The following ST18 variants were observed in gnomAD, a reference collection of about 807,000 sequenced individuals.
ST18 encodes the protein ST18 C2H2C-type zinc finger transcription factor.
Under a neutral mutation model 110.0 loss-of-function variants are expected in ST18, and 50 were observed. The ratio of observed to expected loss-of-function variants is 0.45; its 90% confidence interval spans 0.36 to 0.58. The LOEUF (loss-of-function observed/expected upper bound fraction) is 0.58. Ranked by LOEUF, ST18 falls within the 20% of genes least tolerant of loss-of-function variation. The pLI, the probability that ST18 is intolerant of heterozygous loss-of-function variation, is 0.00. For synonymous variants in ST18, 461 were observed against 452.4 expected (o/e 1.02, Z -0.24); for missense variants, 1,306 against 1,280.1 (o/e 1.02, Z -0.31).
At chr8:52,208,279 T>C (rs1018890057) in intron 8 of ST18, among the ~76,000 whole-genome samples, 4 of 152,222 alleles carry the variant, frequency 2.6e-5, no homozygotes, top group African/African-American at 7.2e-5. Flanking sequence ...GTTGCCAGTG[T>C]TCTCTACAAA....
chr8:52,118,896 C>T (rs1406491567), intron 23 of ST18, among the ~76,000 whole-genome samples: 1 of 152,164 alleles, frequency 6.6e-6, no homozygotes, highest in Non-Finnish European at 1.5e-5. Context: ...CTTGCATTCT[C>T]TTATTCAAAA....
At chr8:52,407,880 C>G (rs1445568443) in intron 2 of ST18, 1 of 152,120 alleles carries the variant, frequency 6.6e-6, no homozygotes. Context: ...CATTTCCACC[C>G]CAATTCATCA....
chr8:52,167,470 G>A (rs1014542058), intron 10 of ST18, among the ~76,000 whole-genome samples: 13 of 152,256 alleles, frequency 8.5e-5, no homozygotes, highest in African/African-American at 2.9e-4. Flanking sequence ...GCTTGGTAGT[G>A]AAGAGCAGAG....
At chr8:52,178,678 C>G (rs28417267) in intron 9 of ST18, among the ~76,000 whole-genome samples, 4 of 105,128 alleles carry the variant, frequency 3.8e-5, no homozygotes, top group Non-Finnish European at 5.9e-5. Context: ...ACAAAAAAAA[C>G]CCACCAAAAC....
At chr8:52,150,138 G>C (rs562885710) in intron 15 of ST18, among the ~76,000 whole-genome samples, 161 bp from the exon 16 acceptor site, 1 of 152,168 alleles carries the variant, frequency 6.6e-6, no homozygotes, top group Admixed American at 6.5e-5. Context: ...TCAATTCTTA[G>C]GCAGACTTTA....
In ST18 at chr8:52,260,819, C is replaced by A. The variant is rs368127001; in HGVS notation, c.-464-30742G>T. On this transcript the variant is annotated intron_variant, in intron 2 of 25. Transcript: ENST00000689386. ...TTATAATGATTCCGCTTAGAAAAAA[C>A]CCCACATTTCCTGGACAGATAATTT... Among the ~76,000 whole-genome samples the A allele has an allele frequency of 1.6e-4, 25 of 152,302 alleles. No individual in the cohort carries two copies. In the Middle Eastern group the frequency reaches 0.01, roughly 62 times the overall value.
intron 2 of ST18, among the ~76,000 whole-genome samples, chr8:52,348,613 G>A (rs1028443661): frequency 1.3e-5 from 2 of 152,090 alleles, no homozygotes; most frequent in Non-Finnish European, 2.9e-5. Flanking sequence ...GCATGGTGGT[G>A]TGCGCCTGTA....
chr8:52,214,148 C>G (rs1274762971), intron 7 of ST18, 55 bp downstream of exon 7: 4 of 1,566,502 alleles, frequency 2.6e-6, no homozygotes, highest in Non-Finnish European at 3.5e-6. Flanking sequence ...CACTGGAACG[C>G]TCATATTTCA....
intron 2 of ST18, among the ~76,000 whole-genome samples, chr8:52,298,299 C>T (rs958961228): frequency 3.9e-5 from 6 of 152,168 alleles, no homozygotes; most frequent in African/African-American, 7.2e-5. Context: ...GGGCATCTAG[C>T]TGGTTTCAGC....
intron 2 of ST18, among the ~76,000 whole-genome samples, chr8:52,291,925 G>A (rs1406428340): frequency 6.6e-6 from 1 of 152,064 alleles, no homozygotes. Flanking sequence ...ACAGGCGCGT[G>A]CCATCACACC....
intron 9 of ST18, among the ~76,000 whole-genome samples, chr8:52,175,080 C>T (rs138550778): frequency 7.9e-5 from 12 of 152,212 alleles, no homozygotes; most frequent in East Asian, 1.9e-4. Context: ...CTGATCCTGG[C>T]GGCCTCTCTT....
chr8:52,142,707 G>T (rs1464089519), intron 17 of ST18, among the ~76,000 whole-genome samples: 1 of 152,158 alleles, frequency 6.6e-6, no homozygotes, highest in East Asian at 1.9e-4. Context: ...ATTTCTAATT[G>T]TGTTATCTTA....
At chr8:52,281,686 C>A (rs1236854348) in intron 2 of ST18, among the ~76,000 whole-genome samples, 1 of 152,246 alleles carries the variant, frequency 6.6e-6, no homozygotes, top group East Asian at 1.9e-4. Flanking sequence ...GAATGTGGCA[C>A]ATGTATACCA....
chr8:52,349,109 C>T (rs1014051480), intron 2 of ST18, among the ~76,000 whole-genome samples: 2 of 152,080 alleles, frequency 1.3e-5, no homozygotes, highest in Admixed American at 6.6e-5. Context: ...ATGCCTTGCT[C>T]GTTTTTTGTT....
chr8:52,132,138 C>A lies in ST18; in HGVS notation c.2486G>T (p.Gly829Val), dbSNP rs1411349141. 16 of 1,613,920 alleles carry A rather than the reference C, an allele frequency of 9.9e-6. No individual in the cohort carries two copies. Among genetic ancestry groups the A allele is most frequent in the Non-Finnish European group, 1.2e-5 (14 of 1,180,014 alleles). ...IGCDGQGHIS[G>V]KYTSHRTASG... is the part of the protein sequence containing the mutation. ...AGCTGTGCGGTGTGATGTGTATTTACCTGATATGTGACCTTGGCCATCACA... is the reference window on the plus strand; with the variant it reads ...AGCTGTGCGGTGTGATGTGTATTTAACTGATATGTGACCTTGGCCATCACA... Residue 829 changes from glycine to valine, a missense_variant, in exon 22 of 26, where the codon GGT (glycine) becomes GTT (valine). Physicochemically the swap from Gly to Val is moderately radical, Grantham distance 109. Coordinates refer to ENST00000689386, the MANE Select transcript of ST18 (RefSeq NM_001352837.2).
intron 2 of ST18, among the ~76,000 whole-genome samples, chr8:52,272,465 T>A (rs2095106403): frequency 6.6e-6 from 1 of 152,206 alleles, no homozygotes; most frequent in Admixed American, 6.5e-5. Context: ...GATATAGATA[T>A]AATGTTCACC....
At chr8:52,259,432 C>T (rs1305806351) in intron 2 of ST18, among the ~76,000 whole-genome samples, 2 of 152,142 alleles carry the variant, frequency 1.3e-5, no homozygotes, top group African/African-American at 2.4e-5. Context: ...CATGTAGACT[C>T]TGGGTAATTC....
chr8:52,125,978 G>T, intron 23 of ST18, 74 bp downstream of exon 23: 4 of 1,149,006 alleles, frequency 3.5e-6, no homozygotes, highest in South Asian at 1.5e-5. Flanking sequence ...AGAATACTTT[G>T]ACACACGGAA....
chr8:52,360,686 C>T (rs1025004118), intron 2 of ST18, among the ~76,000 whole-genome samples: 31 of 152,150 alleles, frequency 2.0e-4, no homozygotes, highest in Admixed American at 5.2e-4. Flanking sequence ...AAGTATTTTT[C>T]GATTTATTTT....
Sources: allele counts gnomAD v4.1 joint callset (sites outside exome capture counted in the v4.1 genomes callset), GRCh38; gene constraint gnomAD v4.1.1; transcripts MANE v1.5; gene names NCBI Gene and HGNC (gene_info 2026-07-23, HGNC 2026-07-21).